The following USP13 variants were observed in gnomAD, a reference collection of about 807,000 sequenced individuals.
USP13 encodes the protein ubiquitin specific peptidase 13, also known as ubiquitin carboxyl-terminal hydrolase 13.
Under a neutral mutation model 107.8 loss-of-function variants are expected in USP13, and 68 were observed. The ratio of observed to expected loss-of-function variants is 0.63; its 90% CI spans 0.52 to 0.77. The LOEUF (loss-of-function observed/expected upper bound fraction) is 0.77, where lower values mean the gene tolerates loss of function less well. Ranked by LOEUF, USP13 falls within the 30% of genes least tolerant of loss-of-function variation. The pLI is 0.00. For synonymous variants in USP13, 377 were observed against 389.5 expected (o/e 0.97, Z 0.38); for missense variants, 945 against 1,093.3 (o/e 0.86, Z 1.91).
chr3:179,653,716 C>T lies in USP13; in HGVS notation c.168+323C>T, dbSNP rs775770014. The T allele has an allele frequency of 7.9e-6, 2 of 254,046 alleles. No individual in the cohort carries two copies. Among genetic ancestry groups the T allele is most frequent in the Non-Finnish European group, 1.5e-5 (2 of 131,346 alleles). 15.7% of individuals were successfully genotyped at this position (254,046 alleles called of 1,614,324 possible). A position where few individuals can be genotyped will look rare whatever the true frequency, so the allele number is the denominator to read the frequency against. ...CTGTTCCGAACTGCACGTTGCAGATCGTTTGCGTCCTCCGCGGGGCAGAGC... is the reference window on the plus strand; with the variant it reads ...CTGTTCCGAACTGCACGTTGCAGATTGTTTGCGTCCTCCGCGGGGCAGAGC... On this transcript the variant is annotated intron_variant, in intron 1 of 20. Transcript: ENST00000263966. This position sits in a 1 kb window ranked among gnomAD's most constrained non-coding sequence, Gnocchi z 4.0.
At chr3:179,772,240 G>A (rs537463078) in intron 19 of USP13, among the ~76,000 whole-genome samples, 7 of 152,308 alleles carry the variant, frequency 4.6e-5, no homozygotes, top group African/African-American at 7.2e-5. Context: ...AAATCAGGCC[G>A]TCACTCTGAC....
Position 179,686,772 on chromosome 3 carries a change from G to A in USP13, c.295-3469G>A, listed in dbSNP as rs750132073. Among the ~76,000 whole-genome samples, 32 of 152,188 alleles carry A rather than the reference G, an allele frequency of 2.1e-4. 1 individual carries two copies. Among genetic ancestry groups the A allele is most frequent in the Non-Finnish European group, 4.6e-4 (31 of 68,038 alleles). On this transcript the variant is annotated intron_variant, in intron 2 of 20. Coordinates refer to ENST00000263966, the MANE Select transcript of USP13 (RefSeq NM_003940.3). ...TGCCCAGGTTGTCAGTCACCTCTTA[G>A]GTGTCACACTTGGTGGATATGTTTT...
In USP13 at chr3:179,667,797, G is replaced by A. The variant is rs147807549; in HGVS notation, c.169-14081G>A. On this transcript the variant is annotated intron_variant, in intron 1 of 20. Transcript: ENST00000263966. ...GAGTAGCTGGGATTAACAGGCATGC[G>A]TCACCACACCTGGCTAATTTTTATA... 5.3e-4 allele frequency among the ~76,000 whole-genome samples: 80 copies of A among 152,162 alleles called. No individual in the cohort carries two copies. The East Asian group carries it at 9.9e-3, about 19-fold the overall frequency.
intron 8 of USP13, among the ~76,000 whole-genome samples, chr3:179,726,725 T>C (rs538051875): frequency 1.7e-4 from 26 of 151,728 alleles, no homozygotes; most frequent in African/African-American, 6.3e-4. Flanking sequence ...TCATCCAGGC[T>C]GAAGTGCAGT....
Position 179,786,657 on chromosome 3 carries a change from C to G in USP13, c.*2516C>G, listed in dbSNP as rs1048315363. The stretch of plus-strand genomic sequence containing the variant: ...TAAAAGCATATTTATATGTGTATCT[C>G]AATATATACAAGGCAGGTTCCCCTA... On this transcript the variant is annotated 3_prime_UTR_variant, in exon 21 of 21. Coordinates refer to ENST00000263966, the MANE Select transcript of USP13 (RefSeq NM_003940.3). 2.6e-5 allele frequency: 4 copies of G among 152,664 alleles called. No individual in the cohort carries two copies. The highest frequency in any genetic ancestry group is 9.6e-5 in the African/African-American group (4 of 41,460). 9.5% of individuals were successfully genotyped at this position (152,664 alleles called of 1,614,324 possible).
At chr3:179,684,210 C>T (rs537534460) in intron 2 of USP13, among the ~76,000 whole-genome samples, 9 of 151,736 alleles carry the variant, frequency 5.9e-5, no homozygotes, top group African/African-American at 9.7e-5. Flanking sequence ...CCGCCCCCTT[C>T]GGCCTCCCAA....
At chr3:179,767,789 T>C (rs1200597654) in intron 19 of USP13, among the ~76,000 whole-genome samples, 1 of 152,214 alleles carries the variant, frequency 6.6e-6, no homozygotes, top group Non-Finnish European at 1.5e-5. Context: ...AAATCTACAC[T>C]AGCAGCATTT....
chr3:179,705,489 G>C (rs1712679583), intron 4 of USP13, among the ~76,000 whole-genome samples: 1 of 152,106 alleles, frequency 6.6e-6, no homozygotes. Context: ...CTATAGATTT[G>C]TCTACTCTGG....
chr3:179,671,716 C>T (rs1165625854), intron 1 of USP13, among the ~76,000 whole-genome samples: 1 of 152,150 alleles, frequency 6.6e-6, no homozygotes, highest in African/African-American at 2.4e-5. Context: ...TTTATAATTA[C>T]AAGCAGCTCA....
intron 13 of USP13, among the ~76,000 whole-genome samples, chr3:179,748,431 G>A (rs1486427542): frequency 2.0e-5 from 3 of 152,168 alleles, no homozygotes; most frequent in African/African-American, 7.2e-5. Context: ...TCTATGTTTT[G>A]TTAATTTGGG....
At chr3:179,760,290 T>G (rs905058573) in intron 16 of USP13, among the ~76,000 whole-genome samples, 1 of 150,138 alleles carries the variant, frequency 6.7e-6, no homozygotes, top group East Asian at 2.0e-4. Flanking sequence ...ATGTTTTTTT[T>G]TTTTTTTTTT....
intron 13 of USP13, among the ~76,000 whole-genome samples, chr3:179,749,566 G>T (rs1714524131): frequency 6.6e-6 from 1 of 152,144 alleles, no homozygotes; most frequent in African/African-American, 2.4e-5. Flanking sequence ...GATTTGAACA[G>T]ATATATATTG....
intron 19 of USP13, among the ~76,000 whole-genome samples, chr3:179,780,733 G>A (rs1715716756): frequency 6.6e-6 from 1 of 152,226 alleles, no homozygotes; most frequent in Admixed American, 6.5e-5. Flanking sequence ...TGACAGCTGA[G>A]TAAGTTGAAT....
intron 10 of USP13, among the ~76,000 whole-genome samples, chr3:179,733,841 A>G (rs1433294304): frequency 6.6e-6 from 1 of 152,264 alleles, no homozygotes; most frequent in African/African-American, 2.4e-5. Context: ...ACGGATGCAC[A>G]GAAGCCTTGC....
chr3:179,763,168 G>GT (rs763701540), intron 17 of USP13, among the ~76,000 whole-genome samples: 6 of 152,050 alleles, frequency 3.9e-5, no homozygotes, highest in Non-Finnish European at 4.4e-5. Context: ...CCATTCTGGT[G>GT]TTTTTTCACT....
chr3:179,745,368 C>T lies in USP13; in HGVS notation c.1709+151C>T, dbSNP rs58517688. 8.4e-3 allele frequency: 7,965 copies of T among 949,304 alleles called. 427 individuals carry two copies. In the African/African-American group the frequency reaches 0.12, roughly 14 times the overall value. 58.8% of individuals were successfully genotyped at this position (949,304 alleles called of 1,614,324 possible). ...ATTATGGTTCACACACCCTAACTGTCGTCAAACTTCACTTGTGTGAGACCT... is the reference window on the plus strand; with the variant it reads ...ATTATGGTTCACACACCCTAACTGTTGTCAAACTTCACTTGTGTGAGACCT... On this transcript the variant is annotated intron_variant, in intron 13 of 20. Coordinates refer to ENST00000263966, the MANE Select transcript of USP13 (RefSeq NM_003940.3).
At chr3:179,654,295 C>A (rs1194882682) in intron 1 of USP13, among the ~76,000 whole-genome samples, 1 of 151,582 alleles carries the variant, frequency 6.6e-6, no homozygotes, top group Non-Finnish European at 1.5e-5. Flanking sequence ...TACTGGATTG[C>A]GATGGTTTTC....
At chr3:179,757,981 C>T (rs918643920) in intron 16 of USP13, among the ~76,000 whole-genome samples, 2 of 152,200 alleles carry the variant, frequency 1.3e-5, no homozygotes, top group African/African-American at 4.8e-5. Context: ...TACCATGGAT[C>T]ATTTAGCATT....
At chr3:179,711,515 A>T (rs993409946) in intron 6 of USP13, among the ~76,000 whole-genome samples, 1 of 151,772 alleles carries the variant, frequency 6.6e-6, no homozygotes, top group Non-Finnish European at 1.5e-5. Context: ...GCCCAGCCAA[A>T]TTTTTTTTTA....
Sources: gnomAD v4.1 joint callset for allele counts (sites outside exome capture counted in the v4.1 genomes callset) on GRCh38, gnomAD v4.1.1 for gene constraint, Gnocchi (gnomAD v3.1) non-coding constraint, MANE v1.5 for transcripts, NCBI Gene and HGNC (gene_info 2026-07-23, HGNC 2026-07-21) for gene names.